Variants in GALNT18 observed in about 807,000 individuals in gnomAD.
GALNT18 encodes the protein GalNAc-transferase 18.
A neutral mutation model predicts 69.5 loss-of-function variants in GALNT18; 44 were observed. That is an observed-to-expected ratio of 0.63 (90% CI 0.50 to 0.81). GALNT18 has a LOEUF of 0.81. Ranked by LOEUF, GALNT18 falls within the 40% of genes least tolerant of loss-of-function variation. The pLI, the probability that GALNT18 is intolerant of heterozygous loss-of-function variation, is 0.00. For synonymous variants in GALNT18, 364 were observed against 318.2 expected (o/e 1.14, Z -1.53); for missense variants, 715 against 810.0 (o/e 0.88, Z 1.42).
intron 10 of GALNT18, among the ~76,000 whole-genome samples, chr11:11,284,612 G>A (rs1005372512): frequency 2.0e-5 from 3 of 152,202 alleles, no homozygotes; most frequent in African/African-American, 7.2e-5. Context: ...CGCTGTGTGT[G>A]TACTAGCTCG....
chr11:11,565,011 CGGGGTGCCAG>C (rs1858608019), intron 1 of GALNT18, among the ~76,000 whole-genome samples: 1 of 152,170 alleles, frequency 6.6e-6, no homozygotes, highest in Non-Finnish European at 1.5e-5. Flanking sequence ...AGGTTAAACT[CGGGGTGCCAG>C]GGATACACCA....
At chr11:11,549,599 T>C (rs1858143719) in intron 1 of GALNT18, among the ~76,000 whole-genome samples, 1 of 152,258 alleles carries the variant, frequency 6.6e-6, no homozygotes, top group Non-Finnish European at 1.5e-5. Flanking sequence ...CTATCTGGCC[T>C]GACCTTCCAG....
At position 11,439,098 on chromosome 11, in the gene GALNT18, G is replaced by A. The variant is rs1256639966; in HGVS notation, c.429-6311C>T. ...CTAGTAATTTTAAAGAATGACCAGT[G>A]GCCCTGTCCAGCCACTGGACAATGG... On this transcript the variant is annotated intron_variant, in intron 2 of 10. Coordinates refer to ENST00000227756, the MANE Select transcript of GALNT18 (RefSeq NM_198516.3). This position sits in a 1 kb window ranked among gnomAD's most constrained non-coding sequence, Gnocchi z 4.4. 6.6e-6 allele frequency among the ~76,000 whole-genome samples: 1 copy of A among 152,190 alleles called. No homozygotes were observed. Among genetic ancestry groups the A allele is most frequent in the East Asian group, 1.9e-4 (1 of 5,196 alleles).
At position 11,387,774 on chromosome 11, in the gene GALNT18, G is replaced by T. The variant is rs760747071; in HGVS notation, c.596-8510C>A. Among the ~76,000 whole-genome samples the T allele has an allele frequency of 1.6e-4, 25 of 152,226 alleles. No homozygotes were observed. Among genetic ancestry groups the T allele is most frequent in the Non-Finnish European group, 3.2e-4 (22 of 68,040 alleles). On this transcript the variant is annotated intron_variant, in intron 3 of 10. Coordinates refer to ENST00000227756, the MANE Select transcript of GALNT18 (RefSeq NM_198516.3). The surrounding 1 kb of genome is among the most constrained non-coding windows in gnomAD (Gnocchi z 4.6). ...TCCGCACCTCCATGGAGAATCTGGA[G>T]TGGGGGCTCAGGACTCAGATGGTCC... is the stretch of plus-strand genomic sequence containing the variant.
Position 11,497,135 on chromosome 11 carries a change from C to T in GALNT18, c.236-48199G>A, listed in dbSNP as rs1370888148. 2.0e-5 allele frequency among the ~76,000 whole-genome samples: 3 copies of T among 152,100 alleles called. No homozygotes were observed. Among genetic ancestry groups the T allele is most frequent in the Non-Finnish European group, 4.4e-5 (3 of 68,032 alleles). On this transcript the variant is annotated intron_variant, in intron 1 of 10. Coordinates refer to ENST00000227756, the MANE Select transcript of GALNT18 (RefSeq NM_198516.3). This position sits in a 1 kb window ranked among gnomAD's most constrained non-coding sequence, Gnocchi z 4.2. ...TGGGATGCTGTGACCCAGGGCCAGA[C>T]CCTTCTTGTCATGCAAGTCTCAGCT... is the stretch of plus-strand genomic sequence containing the variant.
intron 1 of GALNT18, among the ~76,000 whole-genome samples, chr11:11,484,138 TA>T (rs763054325): frequency 9.2e-5 from 14 of 152,190 alleles, no homozygotes; most frequent in Non-Finnish European, 1.8e-4. Context: ...TCTGAGCAAT[TA>T]AAAAGAAAGG....
chr11:11,571,148 G>A (rs188300291), intron 1 of GALNT18, among the ~76,000 whole-genome samples: 24 of 152,226 alleles, frequency 1.6e-4, no homozygotes, highest in Admixed American at 1.2e-3. Context: ...CCATTTTACA[G>A]ATGAAAAAAA....
intron 1 of GALNT18, among the ~76,000 whole-genome samples, chr11:11,477,079 G>C (rs1856417827): frequency 6.6e-6 from 1 of 152,152 alleles, no homozygotes; most frequent in South Asian, 2.1e-4. Context: ...GAATAGATTT[G>C]GGTTCCCTGA....
At chr11:11,275,876 T>C (rs1751049616) in intron 10 of GALNT18, among the ~76,000 whole-genome samples, 1 of 152,240 alleles carries the variant, frequency 6.6e-6, no homozygotes, top group African/African-American at 2.4e-5. Flanking sequence ...GGCTCTGTTC[T>C]GTTCCATTGG....
In GALNT18 at chr11:11,587,756, AG is replaced by A. The variant is rs142044376; in HGVS notation, c.235+33602del. ...TCCCCTGGTAGGTGATCAAACTTAA[AG>A]AAGAGGGAAAAGTCAATGGTTGGTA... On this transcript the variant is annotated intron_variant, in intron 1 of 10. Coordinates refer to ENST00000227756, the MANE Select transcript of GALNT18 (RefSeq NM_198516.3). This position sits in a 1 kb window ranked among gnomAD's most constrained non-coding sequence, Gnocchi z 4.4. Among the ~76,000 whole-genome samples, 5,677 of 152,286 alleles carry A rather than the reference AG, an allele frequency of 0.037. 197 individuals are homozygous for A. The highest frequency in any genetic ancestry group is 0.089 in the African/African-American group (3,678 of 41,542).
intron 6 of GALNT18, among the ~76,000 whole-genome samples, chr11:11,367,052 C>G (rs572902244): frequency 2.0e-5 from 3 of 152,166 alleles, no homozygotes; most frequent in African/African-American, 7.2e-5. Flanking sequence ...CCTTGGTGCT[C>G]CCAAGGTCCA....
chr11:11,477,029 C>T (rs1306475055), intron 1 of GALNT18, among the ~76,000 whole-genome samples: 1 of 152,192 alleles, frequency 6.6e-6, no homozygotes, highest in African/African-American at 2.4e-5. Context: ...GACCTCCCAC[C>T]GCACACTTAG....
chr11:11,574,580 C>G (rs1006183986), intron 1 of GALNT18, among the ~76,000 whole-genome samples: 1 of 152,208 alleles, frequency 6.6e-6, no homozygotes, highest in Non-Finnish European at 1.5e-5. Context: ...TCATGGCCAT[C>G]ATGACGTCAC....
intron 1 of GALNT18, among the ~76,000 whole-genome samples, chr11:11,519,101 T>C (rs1041695744): frequency 2.0e-5 from 3 of 152,186 alleles, no homozygotes; most frequent in African/African-American, 7.2e-5. Context: ...GCCCTGCATC[T>C]GGGCACCTGG....
intron 3 of GALNT18, among the ~76,000 whole-genome samples, chr11:11,403,980 C>T (rs1380612494): frequency 6.6e-6 from 1 of 152,238 alleles, no homozygotes; most frequent in Non-Finnish European, 1.5e-5. Flanking sequence ...GTCCTCAATT[C>T]CTGGCCCCTA....
chr11:11,401,863 A>G (rs749228948), intron 3 of GALNT18, among the ~76,000 whole-genome samples: 7 of 152,200 alleles, frequency 4.6e-5, no homozygotes, highest in Non-Finnish European at 1.0e-4. Flanking sequence ...TCCGTTCTAA[A>G]TGGTGAGTGC....
chr11:11,295,458 C>T (rs986323175), intron 9 of GALNT18, among the ~76,000 whole-genome samples: 5 of 152,080 alleles, frequency 3.3e-5, no homozygotes, highest in Non-Finnish European at 5.9e-5. Context: ...AGAGAAAAGT[C>T]ATGGAGAGAA....
At position 11,454,481 on chromosome 11, in the gene GALNT18, G is replaced by A. The variant is rs1244806525; in HGVS notation, c.236-5545C>T. On this transcript the variant is annotated intron_variant, in intron 1 of 10. Coordinates refer to ENST00000227756, the MANE Select transcript of GALNT18 (RefSeq NM_198516.3). This position sits in a 1 kb window ranked among gnomAD's most constrained non-coding sequence, Gnocchi z 4.2. Reference sequence around the variant, plus strand: ...AGGAAGATAAGGAGGGAGGCAGGGAGAGAAGGAGGCTGTGTCTTCTTCTTG... The same window carrying A: ...AGGAAGATAAGGAGGGAGGCAGGGAAAGAAGGAGGCTGTGTCTTCTTCTTG... Among the ~76,000 whole-genome samples, 4 of 152,076 alleles carry A rather than the reference G, an allele frequency of 2.6e-5. No individual in the cohort carries two copies. Among genetic ancestry groups the A allele is most frequent in the African/African-American group, 9.7e-5 (4 of 41,390 alleles).
chr11:11,603,941 C>A lies in GALNT18; in HGVS notation c.235+17418G>T, dbSNP rs753174672. Among the ~76,000 whole-genome samples the A allele has an allele frequency of 4.6e-5, 7 of 152,110 alleles. No individual in the cohort carries two copies. Among genetic ancestry groups the A allele is most frequent in the African/African-American group, 7.2e-5 (3 of 41,418 alleles). On this transcript the variant is annotated intron_variant, in intron 1 of 10. Coordinates refer to ENST00000227756, the MANE Select transcript of GALNT18 (RefSeq NM_198516.3). The surrounding 1 kb of genome is among the most constrained non-coding windows in gnomAD (Gnocchi z 4.5). ...AAGTTGATGGAATTAGGAGGTAGGG[C>A]CTTTGGGAGGTGATAAGGCCATGAG...
Sources: gnomAD v4.1 joint callset for allele counts (sites outside exome capture counted in the v4.1 genomes callset) on GRCh38, gnomAD v4.1.1 for gene constraint, Gnocchi (gnomAD v3.1) non-coding constraint, MANE v1.5 for transcripts, NCBI Gene and HGNC (gene_info 2026-07-23, HGNC 2026-07-21) for gene names.